SH3BGRL: variants seen among roughly 807,000 people sequenced by gnomAD.
SH3BGRL encodes the protein adapter SH3BGRL.
In SH3BGRL, 7 loss-of-function variants were observed where a neutral mutation model predicts 9.8. The ratio of observed to expected loss-of-function variants is 0.72; its 90% CI spans 0.41 to 1.35. The LOEUF (loss-of-function observed/expected upper bound fraction) is 1.35, where lower values mean the gene tolerates loss of function less well. Ranked by LOEUF, SH3BGRL falls within the 40% of genes most tolerant of loss-of-function variation. The probability of loss-of-function intolerance (pLI) is 0.01; values close to 1 mark genes in which losing one functional copy is unlikely to be tolerated. For missense variants in SH3BGRL, 73 were observed against 84.4 expected, an observed-to-expected ratio of 0.86 and a Z score of 0.53; for synonymous variants, 36 against 29.1, an observed-to-expected ratio of 1.24 and a Z score of -0.76.
At chrX:81,266,546 T>C (rs917939743) in intron 1 of SH3BGRL, among the ~76,000 whole-genome samples, 6 of 111,900 alleles carry the variant, frequency 5.4e-5, no homozygotes, top group African/African-American at 2.0e-4. Context: ...GAGGACTCTG[T>C]TCTGTTCCAT....
At chrX:81,279,694 C>T (rs1261284520) in intron 3 of SH3BGRL, among the ~76,000 whole-genome samples, 1 of 111,120 alleles carries the variant, frequency 9.0e-6, no homozygotes, top group Admixed American at 9.5e-5. Flanking sequence ...CTCGCTGGGT[C>T]CCCAGGCAGC....
rs191551055 is a variant in SH3BGRL, at chrX:81,247,472, T to A, written c.46-29512T>A. ...ATAGATGACTCTTTTTATTTTGAGG[T>A]ATGGTTCTTTGACGCCTAGTTTCTT... On this transcript the variant is annotated intron_variant, in intron 1 of 3. Transcript: ENST00000373212. 1.1e-4 allele frequency among the ~76,000 whole-genome samples: 12 copies of A among 111,859 alleles called. No homozygotes were observed. The East Asian group carries it at 3.4e-3, about 31-fold the overall frequency.
chrX:81,232,230 T>A, intron 1 of SH3BGRL, among the ~76,000 whole-genome samples: 1 of 111,545 alleles, frequency 9.0e-6, no homozygotes, highest in Admixed American at 9.5e-5. Flanking sequence ...ATGCATAGCA[T>A]CTAATGCAAG....
chrX:81,267,681 G>T (rs1166328801), intron 1 of SH3BGRL, among the ~76,000 whole-genome samples: 2 of 111,522 alleles, frequency 1.8e-5, no homozygotes, highest in African/African-American at 6.5e-5. Flanking sequence ...TTTTGTGTGT[G>T]TCTCTGCCCT....
At chrX:81,285,924 T>A (rs2075832718) in intron 3 of SH3BGRL, among the ~76,000 whole-genome samples, 1 of 112,140 alleles carries the variant, frequency 8.9e-6, no homozygotes. Flanking sequence ...TACTTTTAAA[T>A]AATTATCAAA....
intron 3 of SH3BGRL, among the ~76,000 whole-genome samples, chrX:81,289,782 C>A (rs1602631273): frequency 9.0e-6 from 1 of 110,888 alleles, no homozygotes; most frequent in African/African-American, 3.3e-5. Context: ...CACTTCAACC[C>A]AAAAGGTGGA....
At chrX:81,220,733 A>G (rs1201696594) in intron 1 of SH3BGRL, among the ~76,000 whole-genome samples, 1 of 109,494 alleles carries the variant, frequency 9.1e-6, no homozygotes, top group Non-Finnish European at 1.9e-5. Context: ...TTTTCTAAAA[A>G]CCTTTTAAGT....
At chrX:81,272,637 C>T (rs1293426184) in intron 1 of SH3BGRL, among the ~76,000 whole-genome samples, 1 of 109,050 alleles carries the variant, frequency 9.2e-6, no homozygotes, top group Non-Finnish European at 1.9e-5. Context: ...GTAGCTGGGA[C>T]TTCAGGTGCC....
intron 1 of SH3BGRL, among the ~76,000 whole-genome samples, chrX:81,213,856 C>A (rs966899973): frequency 8.9e-6 from 1 of 112,023 alleles, no homozygotes; most frequent in African/African-American, 3.2e-5. Context: ...TGGAGATTTG[C>A]AGCTGCTAGA....
chrX:81,284,116 G>T (rs2075826741), intron 3 of SH3BGRL, among the ~76,000 whole-genome samples: 1 of 109,566 alleles, frequency 9.1e-6, no homozygotes, highest in African/African-American at 3.3e-5. Context: ...CCAAGGAGTA[G>T]AAAGACCTCT....
intron 1 of SH3BGRL, among the ~76,000 whole-genome samples, chrX:81,211,904 A>T (rs1347027733): frequency 9.0e-6 from 1 of 111,467 alleles, no homozygotes; most frequent in East Asian, 2.8e-4. Flanking sequence ...ACACACATAT[A>T]TCCTACTACT....
At chrX:81,293,399 G>A (rs1392227371) in intron 3 of SH3BGRL, among the ~76,000 whole-genome samples, 1 of 112,008 alleles carries the variant, frequency 8.9e-6, no homozygotes, top group Non-Finnish European at 1.9e-5. Flanking sequence ...AAATGTGGAT[G>A]TGGCCAGGTG....
In SH3BGRL at chrX:81,278,403, G is replaced by A. The variant is rs1370944844; in HGVS notation, c.304G>A (p.Gly102Ser). Residue 102 changes from glycine to serine, a missense_variant, in exon 3 of 4, where the codon GGT becomes AGT. Gly to Ser is a moderately conservative substitution (Grantham distance 56). Transcript: ENST00000373212. ...YAFLGLTAPP[G>S]SKEAEVQAKQ... ...CTTCTTAGGCTTGACAGCCCCACCT[G>A]GTTCAAAGGTATGATACCCTTTTTT... 32 of 1,165,508 alleles carry A rather than the reference G, an allele frequency of 2.7e-5. No homozygotes were observed. Among genetic ancestry groups the A allele is most frequent in the Non-Finnish European group, 3.6e-5 (31 of 861,693 alleles).
intron 1 of SH3BGRL, among the ~76,000 whole-genome samples, chrX:81,247,718 G>C (rs1653793709): frequency 9.0e-6 from 1 of 111,042 alleles, no homozygotes; most frequent in South Asian, 3.8e-4. Flanking sequence ...CTAGTATTTT[G>C]TTGAGGATTT....
rs73634734 is a variant in SH3BGRL, at chrX:81,245,929, T to A, written c.46-31055T>A. On this transcript the variant is annotated intron_variant, in intron 1 of 3. Transcript: ENST00000373212. ...TTTCCACAGTAGCTGAAATAAATTATGTTCGCATCAACAGCATATAAGCAT... is the reference window on the plus strand; with the variant it reads ...TTTCCACAGTAGCTGAAATAAATTAAGTTCGCATCAACAGCATATAAGCAT... 9.2e-3 allele frequency among the ~76,000 whole-genome samples: 1,032 copies of A among 112,172 alleles called. 9 individuals are homozygous for A. The highest frequency in any genetic ancestry group is 0.031 in the African/African-American group (965 of 30,877).
chrX:81,269,717 G>T (rs1028815502), intron 1 of SH3BGRL, among the ~76,000 whole-genome samples: 1 of 110,591 alleles, frequency 9.0e-6, no homozygotes, highest in Non-Finnish European at 1.9e-5. Context: ...TTCTTGAGGG[G>T]TATCTTTGTG....
rs189336868 is a variant in SH3BGRL, at chrX:81,208,971, T to G, written c.45+6726T>G. Among the ~76,000 whole-genome samples the G allele has an allele frequency of 3.6e-3, 399 of 109,914 alleles. 4 individuals are homozygous for G. Among genetic ancestry groups the G allele is most frequent in the Admixed American group, 0.032 (320 of 10,061 alleles). On this transcript the variant is annotated intron_variant, in intron 1 of 3. Transcript: ENST00000373212. ...TGTTCAATGATGCTAGGTTTTTTGT[T>G]GTTGTATTGCCCTTTCGTTAGCATA...
chrX:81,260,067 T>A (rs1006552914), intron 1 of SH3BGRL, among the ~76,000 whole-genome samples: 5 of 111,600 alleles, frequency 4.5e-5, no homozygotes, highest in Non-Finnish European at 9.4e-5. Context: ...TATAAAACCT[T>A]CAAAATACTC....
intron 1 of SH3BGRL, among the ~76,000 whole-genome samples, chrX:81,245,491 G>A (rs1277479492): frequency 8.9e-6 from 1 of 112,162 alleles, no homozygotes; most frequent in Non-Finnish European, 1.9e-5. Context: ...ATCTTAAAAT[G>A]CAGAAGCAGT....
Sources: gnomAD v4.1 joint callset for allele counts (sites outside exome capture counted in the v4.1 genomes callset) on GRCh38, gnomAD v4.1.1 for gene constraint, MANE v1.5 for transcripts, NCBI Gene and HGNC (gene_info 2026-07-23, HGNC 2026-07-21) for gene names.